Variants in NOTUM observed in about 807,000 individuals in gnomAD.
The protein encoded by NOTUM is palmitoleoyl-protein carboxylesterase NOTUM.
In NOTUM, 36 loss-of-function variants were observed where a neutral mutation model predicts 65.5. The observed-to-expected ratio is 0.55, with a 90% CI of 0.42 to 0.73. The LOEUF (loss-of-function observed/expected upper bound fraction) is 0.73. Ranked by LOEUF, NOTUM falls within the 30% of genes least tolerant of loss-of-function variation. The probability of loss-of-function intolerance (pLI) is 0.00; values close to 1 mark genes in which losing one functional copy is unlikely to be tolerated. For synonymous variants in NOTUM, 356 were observed against 297.9 expected (o/e 1.20, Z -2.01); for missense variants, 659 against 694.2 (o/e 0.95, Z 0.57).
chr17:81,961,002 G>GGCC lies in NOTUM; in HGVS notation c.-94_-93insGGC. On this transcript the variant is annotated 5_prime_UTR_variant, in exon 1 of 11. Transcript: ENST00000409678. ...CGGGGGTGCCGGGCCGGGGGTGTCG[G>GGCC]GGGCACTGGCCGCTCCTGCTCCCTC... 1 of 594,004 alleles carries GGCC rather than the reference G, an allele frequency of 1.7e-6. No homozygotes were observed. The highest frequency in any genetic ancestry group is 2.3e-6 in the Non-Finnish European group (1 of 438,892). 36.8% of individuals were successfully genotyped at this position (594,004 alleles called of 1,614,324 possible).
chr17:81,955,442 A>G lies in NOTUM; in HGVS notation c.1091T>C (p.Ile364Thr). 1.2e-6 allele frequency: 2 copies of G among 1,601,896 alleles called. No individual in the cohort carries two copies. Among genetic ancestry groups the G allele is most frequent in the Non-Finnish European group, 1.7e-6 (2 of 1,175,234 alleles). Reference protein sequence around the residue: ...QPVQEGLRLYIQNLGRELRHT... With the variant: ...QPVQEGLRLYTQNLGRELRHT... ...GCGCAGCTCGCGGCCGAGGTTCTGG[A>G]TGTACAGCCGCAGGCCCTCCTGCAC... The change falls in exon 9 of 11, where the codon ATC becomes ACC. Residue 364 changes from isoleucine to threonine, a missense_variant. Ile to Thr is a moderately conservative substitution (Grantham distance 89). Coordinates refer to ENST00000409678, the MANE Select transcript of NOTUM (RefSeq NM_178493.6).
rs1014945223 is a variant in NOTUM at position 81,955,335 on chromosome 17, C to T, written c.1136+62G>A. On this transcript the variant is annotated intron_variant, in intron 9 of 10. Coordinates refer to ENST00000409678, the MANE Select transcript of NOTUM (RefSeq NM_178493.6). ...TTTTTCTTCTTTTGTTTTCTCAGGACCTCTATTTTTAAATAAGGAGGGAGC... is the reference window on the plus strand; with the variant it reads ...TTTTTCTTCTTTTGTTTTCTCAGGATCTCTATTTTTAAATAAGGAGGGAGC... 30 of 1,387,188 alleles carry T rather than the reference C, an allele frequency of 2.2e-5. 1 individual carries two copies. In the South Asian group the frequency reaches 2.9e-4, roughly 13 times the overall value. The allele number at this position is 1,387,188 out of a possible 1,614,324, so 85.9% of individuals were successfully genotyped here.
chr17:81,957,987 A>G (rs34107062), intron 5 of NOTUM, 79 bp from the exon 6 acceptor site: 525,654 of 1,071,274 alleles, frequency 0.49, 133,743 homozygotes, highest in Non-Finnish European at 0.53. Flanking sequence ...GCTGGCAGAG[A>G]AGTTCTTGCC....
Position 81,959,519 on chromosome 17 carries a change from TGTC to T in NOTUM, c.421_423del (p.Asp141del). On this transcript the variant is annotated inframe_deletion, in exon 3 of 11. Coordinates refer to ENST00000409678, the MANE Select transcript of NOTUM (RefSeq NM_178493.6). Reference sequence around the variant, plus strand: ...CGGGAGCTCATGAGGCGCCGCATGGTGTCGTATCTGGAGTCGCAGTTCTCGCGG... The same window carrying T: ...CGGGAGCTCATGAGGCGCCGCATGGTGTATCTGGAGTCGCAGTTCTCGCGG... The T allele has an allele frequency of 6.5e-7, 1 of 1,548,586 alleles. No homozygotes were observed. The highest frequency in any genetic ancestry group is 8.7e-7 in the Non-Finnish European group (1 of 1,146,424).
intron 9 of NOTUM, 75 bp downstream of exon 9, chr17:81,955,322 T>C: frequency 7.6e-7 from 1 of 1,323,694 alleles, no homozygotes; most frequent in South Asian, 1.4e-5. Context: ...TTTCTTCTTT[T>C]GTTTTCTCAG....
chr17:81,957,757 T>A, intron 6 of NOTUM, 49 bp downstream of exon 6: 5 of 1,313,354 alleles, frequency 3.8e-6, no homozygotes, highest in Non-Finnish European at 5.4e-6. Flanking sequence ...CCATGCACCC[T>A]GCACACCGTC....
intron 5 of NOTUM, 94 bp from the exon 6 acceptor site, chr17:81,958,002 TGG>T (rs1362459370): frequency 2.0e-5 from 18 of 904,250 alleles, no homozygotes; most frequent in Non-Finnish European, 3.0e-5. Context: ...CTTGCCCCAC[TGG>T]GGGACTGGGA....
At chr17:81,954,930 G>T (rs940922955) in intron 9 of NOTUM, among the ~76,000 whole-genome samples, 2 of 96,080 alleles carry the variant, frequency 2.1e-5, no homozygotes, top group Non-Finnish European at 4.3e-5. Flanking sequence ...GACCGATCTC[G>T]ATCTCTCTCT....
chr17:81,960,667 G>A lies in NOTUM; in HGVS notation c.243C>T (p.Ser81=). 1.9e-6 allele frequency: 3 copies of A among 1,590,558 alleles called. No homozygotes were observed. The highest frequency in any genetic ancestry group is 2.3e-5 in the South Asian group (2 of 87,818). ...GCAGGTCCTCGTTGAGCTGCTGCGC[G>A]GAGCAGGGGTACAGGGACTGCGCCA... The part of the protein sequence containing the change: ...KSLAQSLYPC[S]AQQLNEDLRL... Residue 81 remains serine, a synonymous_variant, in exon 1 of 11, where the codon TCC becomes TCT. Transcript: ENST00000409678. This position sits in a 1 kb window ranked among gnomAD's most constrained non-coding sequence, Gnocchi z 6.4.
At position 81,956,626 on chromosome 17, in the gene NOTUM, TGCTCCG is replaced by T; in HGVS notation, c.988+18_988+23del. 6.6e-7 allele frequency: 1 copy of T among 1,517,070 alleles called. No individual in the cohort carries two copies. Among genetic ancestry groups the T allele is most frequent in the African/African-American group, 1.4e-5 (1 of 73,210 alleles). 94.0% of individuals were successfully genotyped at this position (1,517,070 alleles called of 1,614,324 possible). The stretch of plus-strand genomic sequence containing the variant: ...GTGTGGCCACCCCTGCTGCCCTGTG[TGCTCCG>T]CTCTGCCGCCCACTCACAGCGCAGG... On this transcript the variant is annotated intron_variant, in intron 8 of 10. Transcript: ENST00000409678.
Position 81,952,764 on chromosome 17 carries a change from G to A in NOTUM, c.*197C>T, listed in dbSNP as rs868170684. On this transcript the variant is annotated 3_prime_UTR_variant, in exon 11 of 11. Transcript: ENST00000409678. ...AGGCCACAGATGGGGATGACAGCAG[G>A]TCCCTTGTCTCTGGCTGGGCTGTGG... 10 of 600,158 alleles carry A rather than the reference G, an allele frequency of 1.7e-5. No homozygotes were observed. Among genetic ancestry groups the A allele is most frequent in the South Asian group, 1.2e-4 (6 of 51,104 alleles). The allele number at this position is 600,158 out of a possible 1,614,324, so 37.2% of individuals were successfully genotyped here.
chr17:81,956,888 G>A lies in NOTUM; in HGVS notation c.882C>T (p.Gly294=). 6.2e-7 allele frequency: 1 copy of A among 1,609,212 alleles called. No homozygotes were observed. Among genetic ancestry groups the A allele is most frequent in the Non-Finnish European group, 8.5e-7 (1 of 1,178,352 alleles). Residue 294 remains glycine (G), a synonymous_variant, in exon 7 of 11, where the codon GGC becomes GGT. Coordinates refer to ENST00000409678, the MANE Select transcript of NOTUM (RefSeq NM_178493.6). ...TCAPTEAIRR[G]IRYWNGVVPE... The stretch of plus-strand genomic sequence containing the variant: ...GGCCCTCCCCGCTGCGGCACCTGAT[G>A]CCACGGCGGATGGCCTCCGTGGGCG...
rs367626091 is a variant in NOTUM, at chr17:81,953,049, A to G, written c.1403T>C (p.Met468Thr). Residue 468 changes from methionine to threonine, a missense_variant, in exon 11 of 11, where the codon ATG (methionine) becomes ACG (threonine). Transcript: ENST00000409678. ...GQEMNVAQFL[M>T]HMGFDMQTVA... Reference sequence around the variant, plus strand: ...CGTCTGCATGTCGAAGCCCATGTGCATGAGGAACTGGGCCACGTTCATCTC... The same window carrying G: ...CGTCTGCATGTCGAAGCCCATGTGCGTGAGGAACTGGGCCACGTTCATCTC... 1.2e-5 allele frequency: 19 copies of G among 1,613,778 alleles called. No homozygotes were observed. Among genetic ancestry groups the G allele is most frequent in the South Asian group, 2.2e-5 (2 of 91,076 alleles).
intron 9 of NOTUM, 56 bp from the exon 10 acceptor site, chr17:81,954,359 AC>A: frequency 8.2e-7 from 1 of 1,221,844 alleles, no homozygotes; most frequent in Non-Finnish European, 1.2e-6. Context: ...CCCCTTTTCC[AC>A]CCCCACTCCC....
At chr17:81,959,803 G>T in intron 1 of NOTUM, 111 bp from the exon 2 acceptor site, 2 of 506,148 alleles carry the variant, frequency 4.0e-6, no homozygotes, top group Non-Finnish European at 5.9e-6. Flanking sequence ...CGCGCGCGAC[G>T]GTCGCACGGG....
intron 6 of NOTUM, 87 bp from the exon 7 acceptor site, chr17:81,957,161 A>AG (rs1303402046): frequency 1.8e-5 from 20 of 1,099,828 alleles, no homozygotes; most frequent in African/African-American, 9.3e-5. Flanking sequence ...CCGTGCCCCG[A>AG]GGGGGGCAGG....
At chr17:81,958,031 G>A (rs74002707) in intron 5 of NOTUM, 123 bp from the exon 6 acceptor site, 51,337 of 744,524 alleles carry the variant, frequency 0.069, 2,326 homozygotes, top group South Asian at 0.17. Flanking sequence ...TTCTGAGAAG[G>A]GGTCAGGGGC....
chr17:81,955,687 C>A (rs1180570491), intron 8 of NOTUM, 143 bp from the exon 9 acceptor site: 1 of 660,332 alleles, frequency 1.5e-6, no homozygotes, highest in East Asian at 3.0e-5. Flanking sequence ...TGCAGTGCCC[C>A]CCACCCCAGG....
chr17:81,955,619 C>T, intron 8 of NOTUM, 75 bp from the exon 9 acceptor site: 1 of 1,412,982 alleles, frequency 7.1e-7, no homozygotes, highest in East Asian at 2.4e-5. Flanking sequence ...CAGCTCAGCA[C>T]CCCCAGGCCC....
Sources: gnomAD v4.1 joint callset for allele counts (sites outside exome capture counted in the v4.1 genomes callset) on GRCh38, gnomAD v4.1.1 for gene constraint, Gnocchi (gnomAD v3.1) non-coding constraint, MANE v1.5 for transcripts, NCBI Gene and HGNC (gene_info 2026-07-23, HGNC 2026-07-21) for gene names.